Variants in CARD9 observed in about 807,000 individuals in gnomAD.
CARD9 encodes the protein caspase recruitment domain family member 9.
CARD9 carries 53 observed loss-of-function variants against 66.0 expected under a neutral mutation model. That is an observed-to-expected ratio of 0.80 (90% CI 0.64 to 1.01). The LOEUF (loss-of-function observed/expected upper bound fraction) is 1.01. CARD9 is among the 50% of genes least tolerant of loss of function. The pLI is 0.00. For synonymous variants in CARD9, 387 were observed against 313.8 expected, an observed-to-expected ratio of 1.23 and a Z score of -2.47; for missense variants, 769 against 743.2, an observed-to-expected ratio of 1.03 and a Z score of -0.40.
intron 2 of CARD9, among the ~76,000 whole-genome samples, 185 bp from the exon 3 acceptor site, chr9:136,371,646 C>T (rs950136249): frequency 6.6e-6 from 1 of 152,174 alleles, no homozygotes; most frequent in African/African-American, 2.4e-5. Context: ...GCCCACCCGC[C>T]CCTTGGCTGT....
chr9:136,367,117 G>A (rs1258614169), intron 9 of CARD9, 99 bp downstream of exon 9: 2 of 1,377,602 alleles, frequency 1.5e-6, no homozygotes, highest in African/African-American at 1.4e-5. Flanking sequence ...CACCGAGCAG[G>A]GCCATGTGAC....
chr9:136,365,023 A>G, intron 11 of CARD9, 118 bp downstream of exon 11: 1 of 921,326 alleles, frequency 1.1e-6, no homozygotes, highest in Non-Finnish European at 1.7e-6. Context: ...CCTTGTGGTC[A>G]CTCCTCAGCT....
chr9:136,366,779 G>A, intron 10 of CARD9, 21 bp downstream of exon 10: 3 of 1,612,808 alleles, frequency 1.9e-6, no homozygotes, highest in African/African-American at 1.3e-5. Flanking sequence ...GCCTCTGGGT[G>A]TACTGCTGTC....
chr9:136,372,698 G>A (rs1036322267), intron 1 of CARD9, among the ~76,000 whole-genome samples: 2 of 152,206 alleles, frequency 1.3e-5, no homozygotes, highest in African/African-American at 2.4e-5. Context: ...CTCCACGGCC[G>A]GCTGCTGATG....
At position 136,370,684 on chromosome 9, in the gene CARD9, G is replaced by A. The variant is rs2131443510; in HGVS notation, c.645C>T (p.His215=). The change falls in exon 5 of 13, where the codon CAC becomes CAT. Residue 215 remains histidine (H), a synonymous_variant. Transcript: ENST00000371732. ...DLQLEIDQLK[H]SLMKAEDDCK... The stretch of plus-strand genomic sequence containing the variant: ...AGTCGTCCTCGGCCTTCATGAGGCT[G>A]TGCTTGAGCTGGTCAATCTGCAGAA... 1.9e-6 allele frequency: 3 copies of A among 1,612,774 alleles called. No homozygotes were observed. The highest frequency in any genetic ancestry group is 1.7e-6 in the Non-Finnish European group (2 of 1,179,894).
intron 10 of CARD9, 83 bp downstream of exon 10, chr9:136,366,717 G>A (rs1332129642): frequency 3.5e-6 from 5 of 1,440,956 alleles, no homozygotes; most frequent in Admixed American, 1.7e-5. Flanking sequence ...CACAGGCATT[G>A]CGGCACGGGC....
intron 10 of CARD9, chr9:136,365,530 G>A (rs1833103678): frequency 2.0e-6 from 1 of 494,864 alleles, no homozygotes; most frequent in African/African-American, 1.9e-5. Context: ...CTTAAACCCT[G>A]GGCCTGAGCA....
chr9:136,365,221 G>GA lies in CARD9; in HGVS notation c.1358-5dup, dbSNP rs1833094187. On this transcript the variant is annotated splice_polypyrimidine_tract_variant and splice_region_variant and intron_variant, in intron 10 of 12. Transcript: ENST00000371732. ...CTCCCCCCGCCGGCAAGGCAGCCTG[G>GA]AAAGGAGAGTCGTGCCTGTGGGACC... 6.2e-7 allele frequency: 1 copy of GA among 1,607,816 alleles called. No individual in the cohort carries two copies. Among genetic ancestry groups the GA allele is most frequent in the Non-Finnish European group, 8.5e-7 (1 of 1,179,810 alleles).
At chr9:136,368,144 C>T (rs534688929) in intron 7 of CARD9, among the ~76,000 whole-genome samples, 22 of 152,252 alleles carry the variant, frequency 1.4e-4, no homozygotes, top group Admixed American at 2.6e-4. Flanking sequence ...GAGACCCTGA[C>T]TGTCCATAGC....
Position 136,367,715 on chromosome 9 carries a change from C to A in CARD9, c.1191G>T (p.Leu397=), listed in dbSNP as rs1833158092. Residue 397 remains leucine, a synonymous_variant, in exon 8 of 13, where the codon CTG becomes CTT. Transcript: ENST00000371732. ...GCTGCGCCTCACACTGGAACACCTGCAGCTGCAGCTCATCCGCCTTCTCGC... is the reference window on the plus strand; with the variant it reads ...GCTGCGCCTCACACTGGAACACCTGAAGCTGCAGCTCATCCGCCTTCTCGC... The part of the protein sequence containing the change: ...ELGEKADELQ[L]QVFQCEAQLL... 1.9e-6 allele frequency: 3 copies of A among 1,604,444 alleles called. No homozygotes were observed. In the East Asian group the frequency reaches 6.7e-5, roughly 36 times the overall value.
rs145052557 is a variant in CARD9 at position 136,367,802 on chromosome 9, G to A, written c.1104C>T (p.His368=). 37 of 1,602,086 alleles carry A rather than the reference G, an allele frequency of 2.3e-5. No homozygotes were observed. Among genetic ancestry groups the A allele is most frequent in the African/African-American group, 8.0e-5 (6 of 75,020 alleles). Residue 368 remains histidine, a synonymous_variant, in exon 8 of 13, where the codon CAC becomes CAT. Transcript: ENST00000371732. The stretch of plus-strand genomic sequence containing the variant: ...CCTGCAGGCCCCGGGCGTGCTGTGC[G>A]TGCAGCTCCTCCCGCGTGGCTATGG... ...DQAIATREEL[H]AQHARGLQEK... is the part of the protein sequence containing the mutation.
chr9:136,369,852 G>T lies in CARD9; in HGVS notation c.975C>A (p.Phe325Leu). The T allele has an allele frequency of 6.2e-7, 1 of 1,612,698 alleles. No homozygotes were observed. The highest frequency in any genetic ancestry group is 1.1e-5 in the South Asian group (1 of 91,084). Residue 325 changes from phenylalanine (F) to leucine (L), a missense_variant, in exon 7 of 13, where the codon TTC (phenylalanine) becomes TTA (leucine). Physicochemically the swap from Phe to Leu is conservative, Grantham distance 22. Transcript: ENST00000371732. ...TACGTAGTGCCAGGCACTGCAGCTC[G>T]AACATCTCCTTCTCCTCCATGCACT... ...RLRCMEEKEM[F>L]ELQCLALRKD...
Position 136,369,776 on chromosome 9 carries a change from C to T in CARD9, c.1051G>A (p.Glu351Lys). ...DRIEAILLQMEEVAIERDQAI... is the reference protein window; with the variant it reads ...DRIEAILLQMKEVAIERDQAI... ...TGGTCCCGCTCAATGGCGACCTCCT[C>T]CATCTGCAGCAGGATGGCCTCGATG... Residue 351 changes from glutamate to lysine, a missense_variant, in exon 7 of 13, where the codon GAG becomes AAG. Transcript: ENST00000371732. 1 of 1,609,610 alleles carries T rather than the reference C, an allele frequency of 6.2e-7. No individual in the cohort carries two copies. Among genetic ancestry groups the T allele is most frequent in the African/African-American group, 1.3e-5 (1 of 75,022 alleles).
chr9:136,372,160 C>CT, intron 1 of CARD9, 66 bp from the exon 2 acceptor site: 5 of 1,582,636 alleles, frequency 3.2e-6, no homozygotes, highest in Non-Finnish European at 4.3e-6. Context: ...CCAGCTCCCA[C>CT]TCCTTCTCAG....
At position 136,364,393 on chromosome 9, in the gene CARD9, G is replaced by A. The variant is rs1405347175; in HGVS notation, c.1520C>T (p.Ala507Val). 1.3e-6 allele frequency: 2 copies of A among 1,556,160 alleles called. No individual in the cohort carries two copies. Among genetic ancestry groups the A allele is most frequent in the Admixed American group, 3.8e-5 (2 of 52,566 alleles). ...ESFENYRRKR[A>V]LRKMQKGWRQ... ...CCATCCTTTCTGCATCTTCCTGAGG[G>A]CGCGCTTCCTGTGAAGACAGGTGTC... The change falls in exon 13 of 13, where the codon GCC becomes GTC. Residue 507 changes from alanine (A) to valine (V), a missense_variant. Coordinates refer to ENST00000371732, the MANE Select transcript of CARD9 (RefSeq NM_052813.5).
At chr9:136,364,607 C>T (rs1452362976) in intron 11 of CARD9, 48 bp from the exon 12 acceptor site, 14 of 1,515,988 alleles carry the variant, frequency 9.2e-6, no homozygotes, top group Non-Finnish European at 1.2e-5. Context: ...CCTGAGGGAA[C>T]CCGTCCTTCT....
At chr9:136,371,301 G>A in intron 3 of CARD9, 23 bp downstream of exon 3, 1 of 1,590,620 alleles carries the variant, frequency 6.3e-7, no homozygotes, top group Non-Finnish European at 8.6e-7. Context: ...TCCCCTGTCG[G>A]CCCCGCCTCC....
rs1564365587 is a variant in CARD9 at position 136,364,282 on chromosome 9, CG to C, written c.*19del. 2.6e-6 allele frequency: 4 copies of C among 1,551,998 alleles called. No individual in the cohort carries two copies. The highest frequency in any genetic ancestry group is 1.7e-4 in the Middle Eastern group (1 of 5,984). The stretch of plus-strand genomic sequence containing the variant: ...GCCGGGCCGGTGGGTGTGCCCTGGT[CG>C]GGGCCTGCGCTGCTGCGGCTAGGAG... On this transcript the variant is annotated 3_prime_UTR_variant, in exon 13 of 13. Transcript: ENST00000371732.
At chr9:136,369,199 G>A (rs1185845399) in intron 7 of CARD9, among the ~76,000 whole-genome samples, 6 of 151,656 alleles carry the variant, frequency 4.0e-5, no homozygotes, top group Admixed American at 6.6e-5. Context: ...CAAGTGATCC[G>A]CCCGCCTCAG....
Sources: gnomAD v4.1 joint callset for allele counts (sites outside exome capture counted in the v4.1 genomes callset) on GRCh38, gnomAD v4.1.1 for gene constraint, MANE v1.5 for transcripts, NCBI Gene and HGNC (gene_info 2026-07-23, HGNC 2026-07-21) for gene names.